The following LINGO2 variants were observed in gnomAD, a reference collection of about 807,000 sequenced individuals.
LINGO2 encodes leucine-rich repeat and immunoglobulin-like domain-containing nogo receptor-interacting protein 2.
In LINGO2, 14 loss-of-function variants were observed where a neutral mutation model predicts 30.6. The observed-to-expected ratio is 0.46, with a 90% CI of 0.30 to 0.72. LINGO2 has a LOEUF of 0.72. Among genes scored for constraint, LINGO2 ranks in the 30% least tolerant of loss-of-function variants. The pLI is 0.07. For missense variants in LINGO2, 729 were observed against 751.7 expected, an observed-to-expected ratio of 0.97 and a Z score of 0.35; for synonymous variants, 317 against 288.5, an observed-to-expected ratio of 1.10 and a Z score of -1.00.
At chr9:29,146,780 A>G in the LINGO2 span, among the ~76,000 whole-genome samples, 1 of 152,188 alleles carries the variant, frequency 6.6e-6, no homozygotes, top group Non-Finnish European at 1.5e-5. Flanking sequence ...ACTCTGAACC[A>G]AAGACAAAGT....
At chr9:28,473,934 TAA>T (rs533977609) in intron 2 of LINGO2, among the ~76,000 whole-genome samples, 1 of 152,144 alleles carries the variant, frequency 6.6e-6, no homozygotes. Context: ...TAAACTATGA[TAA>T]AAAACATTCC....
intron 1 of LINGO2, among the ~76,000 whole-genome samples, chr9:28,663,557 C>A (rs931492880): frequency 4.6e-5 from 7 of 152,146 alleles, no homozygotes; most frequent in Non-Finnish European, 1.0e-4. Flanking sequence ...CAATTCAACT[C>A]TTACCATGAG....
At chr9:29,048,387 C>G in the LINGO2 span, among the ~76,000 whole-genome samples, 1 of 151,700 alleles carries the variant, frequency 6.6e-6, no homozygotes, top group African/African-American at 2.4e-5. Flanking sequence ...GTTAAAATGT[C>G]CACACTATCC....
At chr9:27,950,486 C>G (rs1191643532) in exon 6 of LINGO2, 25 of 1,601,082 alleles carry the variant, frequency 1.6e-5, no homozygotes, top group Non-Finnish European at 2.1e-5. Flanking sequence ...TACTGAGGTC[C>G]AAGATTTTGG....
At chr9:28,693,413 A>C in the LINGO2 span, among the ~76,000 whole-genome samples, 46 of 152,062 alleles carry the variant, frequency 3.0e-4, no homozygotes, top group Non-Finnish European at 5.7e-4. Context: ...TCCATCATAC[A>C]CTTTACGAGG....
the LINGO2 span, chr9:27,940,289 C>T: frequency 6.6e-6 from 1 of 152,040 alleles, no homozygotes; most frequent in Non-Finnish European, 1.5e-5. Context: ...TAAAACAATA[C>T]CTGCATAGCT....
chr9:28,544,341 T>C (rs1821837502), intron 1 of LINGO2, among the ~76,000 whole-genome samples: 1 of 152,166 alleles, frequency 6.6e-6, no homozygotes, highest in African/African-American at 2.4e-5. Flanking sequence ...AACTACTGTA[T>C]CTGGAAATCA....
At chr9:28,055,910 C>T (rs1191059587) in intron 4 of LINGO2, among the ~76,000 whole-genome samples, 1 of 152,172 alleles carries the variant, frequency 6.6e-6, no homozygotes, top group Non-Finnish European at 1.5e-5. Context: ...ACCACGATTA[C>T]TTCTCGAGAC....
At chr9:28,191,115 T>C (rs371821713) in intron 4 of LINGO2, among the ~76,000 whole-genome samples, 41 of 152,328 alleles carry the variant, frequency 2.7e-4, no homozygotes, top group African/African-American at 9.9e-4. Flanking sequence ...CATATTTTCC[T>C]AGAGAGAATT....
chr9:28,007,838 A>G (rs1179828248), intron 5 of LINGO2, among the ~76,000 whole-genome samples: 1 of 152,186 alleles, frequency 6.6e-6, no homozygotes, highest in Non-Finnish European at 1.5e-5. Flanking sequence ...AAAAGAAATC[A>G]AGATTATGGA....
intron 3 of LINGO2, among the ~76,000 whole-genome samples, chr9:28,315,402 G>GC (rs1238838785): frequency 3.3e-4 from 44 of 134,368 alleles, no homozygotes; most frequent in Non-Finnish European, 6.5e-4. Flanking sequence ...ACTCCGTCTC[G>GC]GGGAAAAAAA....
chr9:29,021,742 A>G, the LINGO2 span, among the ~76,000 whole-genome samples: 2 of 147,874 alleles, frequency 1.4e-5, no homozygotes, highest in Admixed American at 1.4e-4. Context: ...GGAAGGAAGG[A>G]AGGAAAGCAT....
the LINGO2 span, among the ~76,000 whole-genome samples, chr9:29,066,915 C>A: frequency 6.6e-6 from 1 of 151,806 alleles, no homozygotes; most frequent in Non-Finnish European, 1.5e-5. Flanking sequence ...CTAAGTTAAC[C>A]AGTTTCAAAT....
chr9:28,642,013 GT>G (rs11453154), intron 1 of LINGO2, among the ~76,000 whole-genome samples: 44 of 144,724 alleles, frequency 3.0e-4, no homozygotes, highest in East Asian at 4.0e-4. Flanking sequence ...ATAATACTCT[GT>G]TTTTTTTTTT....
the LINGO2 span, among the ~76,000 whole-genome samples, chr9:28,845,055 G>A: frequency 1.3e-5 from 2 of 151,834 alleles, no homozygotes; most frequent in Admixed American, 1.3e-4. Context: ...GTTTACATCA[G>A]AAAGTTAAGA....
At chr9:29,025,389 T>C in the LINGO2 span, among the ~76,000 whole-genome samples, 1 of 152,098 alleles carries the variant, frequency 6.6e-6, no homozygotes, top group South Asian at 2.1e-4. Context: ...AATGTATTTG[T>C]TTATCAAACA....
intron 4 of LINGO2, among the ~76,000 whole-genome samples, chr9:28,127,955 G>C (rs2133429044): frequency 6.6e-6 from 1 of 152,268 alleles, no homozygotes; most frequent in East Asian, 1.9e-4. Context: ...AAATACAAGA[G>C]AGGAAATTCA....
At chr9:28,425,846 G>A (rs1033017754) in intron 2 of LINGO2, among the ~76,000 whole-genome samples, 11 of 152,002 alleles carry the variant, frequency 7.2e-5, no homozygotes, top group Non-Finnish European at 1.5e-4. Context: ...CTCTCAAAGA[G>A]AAATTTCTTT....
the LINGO2 span, among the ~76,000 whole-genome samples, chr9:28,939,373 C>G: frequency 6.6e-6 from 1 of 152,258 alleles, no homozygotes; most frequent in East Asian, 1.9e-4. Context: ...TCCAGACATG[C>G]AAAATAACTT....
Sources: allele counts gnomAD v4.1 joint callset (sites outside exome capture counted in the v4.1 genomes callset), GRCh38; gene constraint gnomAD v4.1.1; transcripts MANE v1.5; gene names NCBI Gene and HGNC (gene_info 2026-07-23, HGNC 2026-07-21).